Variants in PDE4B observed in about 807,000 individuals in gnomAD.
The protein encoded by PDE4B is 3',5'-cyclic-AMP phosphodiesterase 4B.
In PDE4B, 20 loss-of-function variants were observed where a neutral mutation model predicts 82.2. That is an observed-to-expected ratio of 0.24 (90% CI 0.17 to 0.35). PDE4B has a LOEUF of 0.35. Among genes scored for constraint, PDE4B ranks in the 10% least tolerant of loss-of-function variants. PDE4B has a pLI of 1.00. For synonymous variants in PDE4B, 320 were observed against 318.9 expected, an observed-to-expected ratio of 1.00 and a Z score of -0.04; for missense variants, 655 against 907.2, an observed-to-expected ratio of 0.72 and a Z score of 3.57.
chr1:65,962,905 T>C (rs2100601678), intron 3 of PDE4B, among the ~76,000 whole-genome samples: 1 of 152,210 alleles, frequency 6.6e-6, no homozygotes, highest in East Asian at 1.9e-4. Flanking sequence ...TCCAAATCAC[T>C]GGGAAAACTG....
At chr1:65,844,063 G>A (rs1646240160) in intron 1 of PDE4B, among the ~76,000 whole-genome samples, 1 of 152,070 alleles carries the variant, frequency 6.6e-6, no homozygotes, top group Non-Finnish European at 1.5e-5. Context: ...GAAACTAACT[G>A]TATTTACCTC....
chr1:66,319,276 C>CTTCA (rs531846024), intron 7 of PDE4B, among the ~76,000 whole-genome samples: 95 of 152,302 alleles, frequency 6.2e-4, no homozygotes, highest in African/African-American at 2.2e-3. Flanking sequence ...CACCCAGCAC[C>CTTCA]TTCACTCTCA....
intron 1 of PDE4B, among the ~76,000 whole-genome samples, chr1:65,825,750 C>G (rs538354419): frequency 8.6e-4 from 130 of 151,678 alleles, no homozygotes; most frequent in Non-Finnish European, 1.6e-3. Flanking sequence ...ATCTATCTAT[C>G]TATCTATCTC....
At chr1:65,889,450 A>G (rs1646828379) in intron 1 of PDE4B, among the ~76,000 whole-genome samples, 1 of 152,102 alleles carries the variant, frequency 6.6e-6, no homozygotes. Context: ...AGAATTTCAA[A>G]CTATATTATT....
chr1:66,137,022 G>C (rs1646072496), intron 3 of PDE4B, among the ~76,000 whole-genome samples: 1 of 152,196 alleles, frequency 6.6e-6, no homozygotes, highest in African/African-American at 2.4e-5. Context: ...AATCCAGTTA[G>C]AGAAAGGGAA....
chr1:65,982,690 C>T (rs901656904), intron 3 of PDE4B, among the ~76,000 whole-genome samples: 1 of 152,108 alleles, frequency 6.6e-6, no homozygotes, highest in Non-Finnish European at 1.5e-5. Flanking sequence ...AGCAGAAACA[C>T]TACAAACTCT....
At chr1:65,894,581 A>G (rs1646888587) in intron 1 of PDE4B, among the ~76,000 whole-genome samples, 1 of 152,156 alleles carries the variant, frequency 6.6e-6, no homozygotes, top group African/African-American at 2.4e-5. Context: ...AAATAAAACG[A>G]CATGTCTCAG....
chr1:65,958,645 C>T (rs1211098510), intron 3 of PDE4B, among the ~76,000 whole-genome samples: 1 of 152,050 alleles, frequency 6.6e-6, no homozygotes, highest in African/African-American at 2.4e-5. Context: ...AAAGCCTACT[C>T]TTTATTCTTA....
intron 3 of PDE4B, among the ~76,000 whole-genome samples, chr1:66,142,976 C>T (rs1646202578): frequency 1.3e-5 from 2 of 152,258 alleles, no homozygotes; most frequent in South Asian, 2.1e-4. Flanking sequence ...CAGTTCAGCT[C>T]GCATCTGTGC....
At chr1:65,814,592 C>T (rs1209668207) in intron 1 of PDE4B, among the ~76,000 whole-genome samples, 2 of 152,278 alleles carry the variant, frequency 1.3e-5, no homozygotes, top group East Asian at 3.9e-4. Flanking sequence ...CCTGGTGCCT[C>T]CTTGCTGTCC....
chr1:65,823,573 T>C (rs960130221), intron 1 of PDE4B, among the ~76,000 whole-genome samples: 29 of 152,266 alleles, frequency 1.9e-4, no homozygotes, highest in Middle Eastern at 3.4e-3. Flanking sequence ...AGTACTCTTT[T>C]TACTGGTCTC....
intron 12 of PDE4B, 85 bp downstream of exon 12, chr1:66,363,656 A>G: frequency 9.1e-7 from 1 of 1,093,058 alleles, no homozygotes; most frequent in East Asian, 2.5e-5. Flanking sequence ...ATGTGCCTGT[A>G]GTCCTAGCTA....
chr1:66,242,635 A>T (rs1570541845), intron 3 of PDE4B, among the ~76,000 whole-genome samples: 1 of 152,214 alleles, frequency 6.6e-6, no homozygotes, highest in African/African-American at 2.4e-5. Flanking sequence ...GGACAATTGC[A>T]GGCAATTCTG....
At chr1:66,340,832 TAGTAAAA>T (rs1660924552) in intron 8 of PDE4B, among the ~76,000 whole-genome samples, 1 of 152,058 alleles carries the variant, frequency 6.6e-6, no homozygotes, top group Non-Finnish European at 1.5e-5. Flanking sequence ...AGAAAGAAAA[TAGTAAAA>T]AGAAAAATTA....
chr1:66,039,376 A>G (rs1654238886), intron 3 of PDE4B, among the ~76,000 whole-genome samples: 1 of 152,108 alleles, frequency 6.6e-6, no homozygotes, highest in African/African-American at 2.4e-5. Context: ...CCTAAAGCAG[A>G]CAGATTAACT....
chr1:66,159,040 C>T lies in PDE4B; in HGVS notation c.282-88420C>T, dbSNP rs747157013. 6.6e-5 allele frequency among the ~76,000 whole-genome samples: 10 copies of T among 152,012 alleles called. No individual in the cohort carries two copies. The South Asian group carries it at 8.3e-4, about 13-fold the overall frequency. On this transcript the variant is annotated intron_variant, in intron 3 of 16. Coordinates refer to ENST00000341517, the MANE Select transcript of PDE4B (RefSeq NM_002600.4). ...TGTTCTATTACACAATAAGGTGACA[C>T]GTAATAAAAATGTATTGTATATTTC... is the stretch of plus-strand genomic sequence containing the variant.
At chr1:66,247,344 C>G (rs7546796) in intron 3 of PDE4B, 116 bp from the exon 4 acceptor site, 29,260 of 567,462 alleles carry the variant, frequency 0.052, 3,767 homozygotes, top group African/African-American at 0.37. Context: ...ATAGTACATA[C>G]AGTTTTATGT....
chr1:66,289,621 G>A (rs1309901957), intron 7 of PDE4B, among the ~76,000 whole-genome samples: 1 of 152,012 alleles, frequency 6.6e-6, no homozygotes, highest in Admixed American at 6.6e-5. Flanking sequence ...AGGTCTCGCA[G>A]GATCTTGTAG....
chr1:66,187,521 G>A (rs943561723), intron 3 of PDE4B, among the ~76,000 whole-genome samples: 1 of 152,164 alleles, frequency 6.6e-6, no homozygotes, highest in South Asian at 2.1e-4. Flanking sequence ...CCCTGTTATT[G>A]GTCTATTCAA....
Sources: allele counts gnomAD v4.1 joint callset (sites outside exome capture counted in the v4.1 genomes callset), GRCh38; gene constraint gnomAD v4.1.1; transcripts MANE v1.5; gene names NCBI Gene and HGNC (gene_info 2026-07-23, HGNC 2026-07-21).